The following ANKRD62 variants were observed in gnomAD, a reference collection of about 807,000 sequenced individuals.
ANKRD62 encodes the protein ankyrin repeat domain-containing protein 62.
A neutral mutation model predicts 98.8 loss-of-function variants in ANKRD62; 61 were observed. The observed-to-expected ratio is 0.62, with a 90% CI of 0.50 to 0.76. ANKRD62 has a LOEUF of 0.76. Ranked by LOEUF, ANKRD62 falls within the 30% of genes least tolerant of loss-of-function variation. The pLI, the probability that ANKRD62 is intolerant of heterozygous loss-of-function variation, is 0.00. For missense variants in ANKRD62, 933 were observed against 1,082.9 expected (o/e 0.86, Z 1.94); for synonymous variants, 341 against 367.9 (o/e 0.93, Z 0.84).
At chr18:12,153,231 C>G in the ANKRD62 span, among the ~76,000 whole-genome samples, 1 of 152,162 alleles carries the variant, frequency 6.6e-6, no homozygotes, top group Non-Finnish European at 1.5e-5. Context: ...AATGGCCATA[C>G]TGCCCAAAGC....
At chr18:12,168,802 T>C in the ANKRD62 span, among the ~76,000 whole-genome samples, 1 of 152,208 alleles carries the variant, frequency 6.6e-6, no homozygotes, top group Non-Finnish European at 1.5e-5. Context: ...GTGTCCTCTT[T>C]TATTTCGTTG....
the ANKRD62 span, among the ~76,000 whole-genome samples, chr18:12,163,961 G>A: frequency 6.6e-6 from 1 of 151,748 alleles, no homozygotes; most frequent in African/African-American, 2.4e-5. Flanking sequence ...CACAGGTATT[G>A]TCCTATAGTT....
At chr18:12,170,722 C>G in the ANKRD62 span, among the ~76,000 whole-genome samples, 2 of 152,154 alleles carry the variant, frequency 1.3e-5, no homozygotes, top group East Asian at 1.9e-4. Flanking sequence ...CTAAAGTTGA[C>G]AGTGGTGTGT....
the ANKRD62 span, among the ~76,000 whole-genome samples, chr18:12,157,079 T>A: frequency 6.6e-6 from 1 of 152,182 alleles, no homozygotes; most frequent in Admixed American, 6.5e-5. Context: ...CAGCCCAAGA[T>A]AACTTTATAG....
the ANKRD62 span, among the ~76,000 whole-genome samples, chr18:12,174,208 C>T: frequency 0.84 from 128,444 of 152,066 alleles, 54,676 homozygotes; most frequent in Middle Eastern, 0.97. Context: ...TCTTGTTTTT[C>T]TTTCTGTTCT....
At chr18:12,119,346 C>CTT (rs56255574) in intron 10 of ANKRD62, among the ~76,000 whole-genome samples, 137 of 132,506 alleles carry the variant, frequency 1.0e-3, no homozygotes, top group African/African-American at 2.6e-3. Flanking sequence ...TGATCTTCTT[C>CTT]TTTTTTTTTT....
chr18:12,146,098 G>A, the ANKRD62 span, among the ~76,000 whole-genome samples: 2 of 151,876 alleles, frequency 1.3e-5, no homozygotes, highest in East Asian at 1.9e-4. Context: ...GCCAACCTGC[G>A]GTAGAAGTGG....
At chr18:12,156,042 CTTCTCTCTCTCTCTCT>C in the ANKRD62 span, among the ~76,000 whole-genome samples, 1 of 151,446 alleles carries the variant, frequency 6.6e-6, no homozygotes, top group Admixed American at 6.6e-5. Flanking sequence ...CTGATACTAC[CTTCTCTCTCTCTCTCT>C]TTCTCTCTCT....
At chr18:12,172,170 G>T in the ANKRD62 span, among the ~76,000 whole-genome samples, 3 of 152,142 alleles carry the variant, frequency 2.0e-5, no homozygotes, top group Non-Finnish European at 4.4e-5. Flanking sequence ...GTCCAACTTT[G>T]TTCCCTTGCT....
At chr18:12,132,271 T>A (rs1598740537), downstream of ANKRD62, among the ~76,000 whole-genome samples, 2 of 152,206 alleles carry the variant, frequency 1.3e-5, no homozygotes, top group Non-Finnish European at 2.9e-5. Context: ...ATATTGATCA[T>A]GTATCCTGCA....
chr18:12,140,134 T>C, the ANKRD62 span, among the ~76,000 whole-genome samples: 1 of 152,366 alleles, frequency 6.6e-6, no homozygotes, highest in Non-Finnish European at 1.5e-5. Context: ...TCCAGTTGAT[T>C]GCATCGGTTA....
chr18:12,139,737 C>T, the ANKRD62 span, among the ~76,000 whole-genome samples: 3 of 152,106 alleles, frequency 2.0e-5, no homozygotes, highest in Non-Finnish European at 2.9e-5. Context: ...GATGGGCTTC[C>T]CTTTGTGGGT....
intron 6 of ANKRD62, among the ~76,000 whole-genome samples, chr18:12,100,104 G>C (rs1416192464): frequency 1.3e-5 from 2 of 151,998 alleles, no homozygotes; most frequent in South Asian, 4.2e-4. Flanking sequence ...GGATTTAGGG[G>C]TACCAGTCCC....
chr18:12,154,481 A>AT, the ANKRD62 span, among the ~76,000 whole-genome samples: 2 of 152,218 alleles, frequency 1.3e-5, no homozygotes, highest in Non-Finnish European at 2.9e-5. Context: ...AAGGGAACAC[A>AT]TACATTGTTG....
chr18:12,113,318 G>A (rs7244723), intron 8 of ANKRD62, among the ~76,000 whole-genome samples: 93,316 of 152,018 alleles, frequency 0.61, 29,082 homozygotes, highest in Middle Eastern at 0.76. Context: ...TCTAACACCA[G>A]TAAGAATGGC....
At chr18:12,136,844 CTGTT>C in the ANKRD62 span, among the ~76,000 whole-genome samples, 1 of 152,134 alleles carries the variant, frequency 6.6e-6, no homozygotes, top group African/African-American at 2.4e-5. Flanking sequence ...ATTTGGTTCT[CTGTT>C]TGTCTGTTGT....
At position 12,115,711 on chromosome 18, in the gene ANKRD62, C is replaced by T. The variant is rs923618866; in HGVS notation, c.1240+177C>T. Among the ~76,000 whole-genome samples, 8 of 152,150 alleles carry T rather than the reference C, an allele frequency of 5.3e-5. No individual in the cohort carries two copies. In the East Asian group the frequency reaches 1.5e-3, roughly 29 times the overall value. ...ATCTTGTATACTCTTAGCCAAAGAG[C>T]TGTGATCATTCCACTGTACCTTTCT... On this transcript the variant is annotated intron_variant, in intron 10 of 13. Coordinates refer to ENST00000587848, the MANE Select transcript of ANKRD62 (RefSeq NM_001277333.2).
chr18:12,115,377 GTTAT>G lies in ANKRD62; in HGVS notation c.1099-9_1099-6del. 2 of 1,522,846 alleles carry G rather than the reference GTTAT, an allele frequency of 1.3e-6. No individual in the cohort carries two copies. The allele number at this position is 1,522,846 out of a possible 1,614,324, so 94.3% of individuals were successfully genotyped here. ...TATTTCGAGGGCATTTTGAAACAGTGTTATTTATTTTATAGGTTAAAAGCCAAAT... is the reference window on the plus strand; with the variant it reads ...TATTTCGAGGGCATTTTGAAACAGTGTTATTTTATAGGTTAAAAGCCAAAT... On this transcript the variant is annotated splice_polypyrimidine_tract_variant and intron_variant, in intron 9 of 13. Coordinates refer to ENST00000587848, the MANE Select transcript of ANKRD62 (RefSeq NM_001277333.2).
the ANKRD62 span, among the ~76,000 whole-genome samples, chr18:12,139,196 C>T: frequency 2.0e-5 from 3 of 152,142 alleles, no homozygotes; most frequent in Non-Finnish European, 4.4e-5. Flanking sequence ...TGTTCCTTTC[C>T]ATGTTTCGTG....
Sources: allele counts gnomAD v4.1 joint callset (sites outside exome capture counted in the v4.1 genomes callset), GRCh38; gene constraint gnomAD v4.1.1; transcripts MANE v1.5; gene names NCBI Gene and HGNC (gene_info 2026-07-23, HGNC 2026-07-21).